Variants in IL12RB2 observed in about 807,000 individuals in gnomAD.
IL12RB2 encodes interleukin 12 receptor subunit beta 2.
A neutral mutation model predicts 89.4 loss-of-function variants in IL12RB2; 82 were observed. The observed-to-expected ratio is 0.92, with a 90% CI of 0.77 to 1.10. The LOEUF (loss-of-function observed/expected upper bound fraction) is 1.10. Ranked by LOEUF, IL12RB2 falls within the 50% of genes least tolerant of loss-of-function variation. The pLI is 0.00. For missense variants in IL12RB2, 963 were observed against 1,031.9 expected, an observed-to-expected ratio of 0.93 and a Z score of 0.92; for synonymous variants, 368 against 370.1, an observed-to-expected ratio of 0.99 and a Z score of 0.07.
chr1:67,308,888 C>T (rs763919583), intron 1 of IL12RB2, among the ~76,000 whole-genome samples: 18 of 152,028 alleles, frequency 1.2e-4, no homozygotes, highest in African/African-American at 2.7e-4. Context: ...GGCATGATGA[C>T]GCACACCTGT....
chr1:67,326,876 C>G (rs1558304400), intron 5 of IL12RB2, 27 bp downstream of exon 5: 1 of 1,398,542 alleles, frequency 7.2e-7, no homozygotes, highest in Non-Finnish European at 9.4e-7. Context: ...ATTTTTGCAG[C>G]TGTTTTGTAG....
At chr1:67,358,671 AAG>A (rs200534143) in intron 10 of IL12RB2, among the ~76,000 whole-genome samples, 8 of 151,570 alleles carry the variant, frequency 5.3e-5, no homozygotes, top group South Asian at 2.1e-4. Context: ...GTAAGGATAA[AAG>A]AGAGAGAGAG....
Position 67,320,342 on chromosome 1 carries a change from G to T in IL12RB2, c.-27G>T. The T allele has an allele frequency of 3.7e-6, 6 of 1,613,726 alleles. No homozygotes were observed. The highest frequency in any genetic ancestry group is 5.1e-6 in the Non-Finnish European group (6 of 1,179,778). ...TGTCTTCTTTTGCAAGGAAGAATAC[G>T]GAGTTCTATACCAGAGTTGATTGTT... is the stretch of plus-strand genomic sequence containing the variant. On this transcript the variant is annotated 5_prime_UTR_variant, in exon 3 of 17. Coordinates refer to ENST00000674203, the MANE Select transcript of IL12RB2 (RefSeq NM_001374259.2).
intron 9 of IL12RB2, among the ~76,000 whole-genome samples, chr1:67,341,559 GAAAGAA>G (rs1288339958): frequency 7.5e-6 from 1 of 132,990 alleles, no homozygotes; most frequent in Non-Finnish European, 1.7e-5. Flanking sequence ...AAGAAAGAAA[GAAAGAA>G]AGAAAGAAAG....
At chr1:67,314,449 C>T (rs1655494376) in intron 2 of IL12RB2, among the ~76,000 whole-genome samples, 1 of 152,156 alleles carries the variant, frequency 6.6e-6, no homozygotes, top group Non-Finnish European at 1.5e-5. Context: ...TTGCCTTAAT[C>T]GTCACCGTAA....
At chr1:67,318,434 C>T (rs1656066149) in intron 2 of IL12RB2, among the ~76,000 whole-genome samples, 1 of 152,086 alleles carries the variant, frequency 6.6e-6, no homozygotes, top group Non-Finnish European at 1.5e-5. Flanking sequence ...TTTGGAAAGA[C>T]ATGTTGACGG....
chr1:67,346,105 G>A (rs1056570017), intron 9 of IL12RB2, among the ~76,000 whole-genome samples: 2 of 152,124 alleles, frequency 1.3e-5, no homozygotes, highest in Non-Finnish European at 2.9e-5. Context: ...TCACCTCTTG[G>A]TAGAGCTGTG....
At chr1:67,357,165 T>C (rs1661487609) in intron 10 of IL12RB2, among the ~76,000 whole-genome samples, 1 of 152,132 alleles carries the variant, frequency 6.6e-6, no homozygotes, top group African/African-American at 2.4e-5. Flanking sequence ...AAGACCAGCC[T>C]GGCCAACATG....
chr1:67,319,902 T>A (rs1219967526), intron 2 of IL12RB2, among the ~76,000 whole-genome samples: 3 of 152,156 alleles, frequency 2.0e-5, no homozygotes, highest in Non-Finnish European at 2.9e-5. Context: ...CCGTTGTCCC[T>A]TCCACCATGT....
intron 11 of IL12RB2, among the ~76,000 whole-genome samples, chr1:67,370,021 G>GAA (rs56153451): frequency 1.8e-3 from 230 of 125,316 alleles, no homozygotes; most frequent in East Asian, 5.8e-3. Flanking sequence ...GACTCCATCT[G>GAA]AAAAAAAAAA....
chr1:67,320,568 T>A, intron 3 of IL12RB2, 124 bp downstream of exon 3: 2 of 1,521,820 alleles, frequency 1.3e-6, no homozygotes, highest in Non-Finnish European at 1.8e-6. Context: ...CTCTGTCATT[T>A]AAGTGGATAA....
At chr1:67,326,923 CTTTA>C (rs1231732983) in intron 5 of IL12RB2, 74 bp downstream of exon 5, 34 of 1,149,746 alleles carry the variant, frequency 3.0e-5, no homozygotes, top group Admixed American at 2.9e-4. Flanking sequence ...TATCTGTTTT[CTTTA>C]TTTATTTTTA....
intron 10 of IL12RB2, among the ~76,000 whole-genome samples, chr1:67,353,524 G>A (rs947787703): frequency 6.6e-6 from 1 of 152,154 alleles, no homozygotes; most frequent in Admixed American, 6.5e-5. Flanking sequence ...AACTGTGATC[G>A]CACCACTGCA....
intron 13 of IL12RB2, among the ~76,000 whole-genome samples, chr1:67,376,359 G>A (rs982948922): frequency 5.3e-5 from 8 of 152,054 alleles, no homozygotes; most frequent in Non-Finnish European, 8.8e-5. Flanking sequence ...AATGTAGATC[G>A]TTAAAAACTT....
intron 14 of IL12RB2, among the ~76,000 whole-genome samples, chr1:67,384,600 C>G (rs1379386703): frequency 2.0e-5 from 3 of 152,220 alleles, no homozygotes; most frequent in Non-Finnish European, 4.4e-5. Flanking sequence ...GACTTTCTCC[C>G]CAGAAAATAG....
At chr1:67,358,673 G>A (rs1661661440) in intron 10 of IL12RB2, among the ~76,000 whole-genome samples, 1 of 151,292 alleles carries the variant, frequency 6.6e-6, no homozygotes, top group Non-Finnish European at 1.5e-5. Context: ...AAGGATAAAA[G>A]AGAGAGAGAG....
chr1:67,335,565 T>C (rs1450792286), intron 8 of IL12RB2, among the ~76,000 whole-genome samples: 1 of 152,228 alleles, frequency 6.6e-6, no homozygotes, highest in Non-Finnish European at 1.5e-5. Flanking sequence ...CTGACTTCCA[T>C]TTCTCATATT....
chr1:67,333,904 A>G (rs1273117466), intron 8 of IL12RB2, among the ~76,000 whole-genome samples: 1 of 152,214 alleles, frequency 6.6e-6, no homozygotes, highest in African/African-American at 2.4e-5. Flanking sequence ...TATGTTACCA[A>G]TATGTCTCTG....
intron 14 of IL12RB2, among the ~76,000 whole-genome samples, chr1:67,384,347 T>C (rs980031697): frequency 2.0e-5 from 3 of 152,244 alleles, no homozygotes; most frequent in Non-Finnish European, 4.4e-5. Flanking sequence ...CTGAGCTGTA[T>C]GTTGGTCCCT....
Sources: gnomAD v4.1 joint callset for allele counts (sites outside exome capture counted in the v4.1 genomes callset) on GRCh38, gnomAD v4.1.1 for gene constraint, MANE v1.5 for transcripts, NCBI Gene and HGNC (gene_info 2026-07-23, HGNC 2026-07-21) for gene names.